Variants in HDHD5 observed in about 807,000 individuals in gnomAD.
HDHD5 encodes haloacid dehalogenase-like hydrolase domain-containing 5.
Under a neutral mutation model 35.5 loss-of-function variants are expected in HDHD5, and 34 were observed. The ratio of observed to expected loss-of-function variants is 0.96; its 90% CI spans 0.73 to 1.28. HDHD5 has a LOEUF of 1.28. HDHD5 is among the 50% of genes most tolerant of loss of function. The pLI is 0.00. For missense variants in HDHD5, 589 were observed against 560.2 expected (o/e 1.05, Z -0.52); for synonymous variants, 248 against 240.6 (o/e 1.03, Z -0.29).
At position 17,138,307 on chromosome 22, in the gene HDHD5, A is replaced by G; in HGVS notation, c.986T>C (p.Leu329Pro). The change falls in exon 8 of 8, where the codon CTG (leucine) becomes CCG (proline). Residue 329 changes from leucine to proline, a missense_variant. Transcript: ENST00000336737. ...CGCCCCATCATGCGTTGCCTTCTGC[A>G]GGTACTGGTGGAACAGGTTGGCGCC... ...VYGANLFHQYLQKATHDGAPE... is the reference protein window; with the variant it reads ...VYGANLFHQYPQKATHDGAPE... The G allele has an allele frequency of 6.2e-7, 1 of 1,614,136 alleles. No homozygotes were observed. The highest frequency in any genetic ancestry group is 8.5e-7 in the Non-Finnish European group (1 of 1,180,036).
intron 1 of HDHD5, among the ~76,000 whole-genome samples, chr22:17,156,825 A>C (rs2061798080): frequency 1.3e-5 from 2 of 151,248 alleles, no homozygotes; most frequent in African/African-American, 4.9e-5. Context: ...CATGCTTCTA[A>C]TCCCAATACT....
upstream of HDHD5, among the ~76,000 whole-genome samples, chr22:17,161,735 G>C (rs937744540): frequency 2.0e-5 from 3 of 151,830 alleles, no homozygotes; most frequent in African/African-American, 7.3e-5. Flanking sequence ...AAATTAGCCA[G>C]GCATAGTGAC....
At chr22:17,164,987 G>A (rs2061883088) in intron 1 of HDHD5, among the ~76,000 whole-genome samples, 1 of 152,140 alleles carries the variant, frequency 6.6e-6, no homozygotes, top group Admixed American at 6.5e-5. Context: ...AGGGCTTGCA[G>A]GAGGGTTTAC....
chr22:17,161,258 A>G (rs993701090), upstream of HDHD5, among the ~76,000 whole-genome samples: 18 of 149,804 alleles, frequency 1.2e-4, no homozygotes, highest in Non-Finnish European at 1.6e-4. Flanking sequence ...AAAAAAAAAA[A>G]AAAGAAAGAA....
At chr22:17,158,626 C>T (rs563987195) in intron 1 of HDHD5, 2 of 152,554 alleles carry the variant, frequency 1.3e-5, no homozygotes, top group Non-Finnish European at 2.9e-5. Flanking sequence ...GGCTCCAGCC[C>T]TCCTGCTCCC....
chr22:17,164,954 G>T (rs2061882881), intron 1 of HDHD5, among the ~76,000 whole-genome samples: 1 of 152,198 alleles, frequency 6.6e-6, no homozygotes, highest in Non-Finnish European at 1.5e-5. Context: ...GAGATGGGCA[G>T]GTCCCCCTGG....
intron 1 of HDHD5, among the ~76,000 whole-genome samples, chr22:17,153,578 G>T (rs757723991): frequency 1.3e-5 from 2 of 152,166 alleles, no homozygotes; most frequent in African/African-American, 2.4e-5. Context: ...ATAGATTTCA[G>T]GATGGCCATA....
At chr22:17,149,459 A>C in intron 2 of HDHD5, 83 bp downstream of exon 2, 1 of 1,338,176 alleles carries the variant, frequency 7.5e-7, no homozygotes, top group Non-Finnish European at 1.0e-6. Context: ...ATCCCAACCC[A>C]GGGGAAAGGG....
upstream of HDHD5, among the ~76,000 whole-genome samples, chr22:17,163,085 T>A (rs1046546097): frequency 6.6e-6 from 1 of 152,242 alleles, no homozygotes; most frequent in Admixed American, 6.5e-5. Flanking sequence ...TATGAGCACG[T>A]CTTCTGAGTT....
upstream of HDHD5, among the ~76,000 whole-genome samples, chr22:17,161,204 C>G (rs34730566): frequency 0.043 from 6,201 of 145,888 alleles, 242 homozygotes; most frequent in South Asian, 0.19. Context: ...TGAGAGCGTG[C>G]CACTGTACTC....
chr22:17,160,059 A>G (rs2061852193), upstream of HDHD5, among the ~76,000 whole-genome samples: 1 of 152,224 alleles, frequency 6.6e-6, no homozygotes, highest in African/African-American at 2.4e-5. Context: ...ATTCTGCTGG[A>G]GGAAAGAGGT....
chr22:17,163,006 C>T (rs1451764259), upstream of HDHD5, among the ~76,000 whole-genome samples: 1 of 152,204 alleles, frequency 6.6e-6, no homozygotes, highest in Non-Finnish European at 1.5e-5. Flanking sequence ...TTAAGATGTT[C>T]TTTCGTATTC....
intron 1 of HDHD5, among the ~76,000 whole-genome samples, chr22:17,158,011 C>T (rs1250318584): frequency 1.3e-5 from 2 of 152,180 alleles, no homozygotes; most frequent in Non-Finnish European, 2.9e-5. Context: ...AAAGTAAGCA[C>T]TATGTGTTTT....
intron 4 of HDHD5, 48 bp from the exon 5 acceptor site, chr22:17,143,179 C>T (rs766648486): frequency 6.3e-7 from 1 of 1,590,534 alleles, no homozygotes; most frequent in Admixed American, 1.8e-5. Flanking sequence ...GCCTTCCACT[C>T]CAGGAGAACC....
intron 6 of HDHD5, among the ~76,000 whole-genome samples, chr22:17,140,744 A>G (rs2061590349): frequency 6.6e-6 from 1 of 152,226 alleles, no homozygotes; most frequent in Non-Finnish European, 1.5e-5. Flanking sequence ...CGGTACAAAA[A>G]GTGCCCACGG....
chr22:17,156,767 G>A (rs1210985804), intron 1 of HDHD5, among the ~76,000 whole-genome samples: 2 of 141,758 alleles, frequency 1.4e-5, no homozygotes, highest in Non-Finnish European at 3.1e-5. Context: ...CAGAGCGAGC[G>A]AGACTCCGTC....
upstream of HDHD5, chr22:17,159,531 G>A (rs1241535668): frequency 1.7e-5 from 8 of 457,952 alleles, 1 homozygote; most frequent in Non-Finnish European, 3.4e-5. Flanking sequence ...CCGTACTATC[G>A]CCCTGTGCCT....
At chr22:17,159,976 G>T (rs2061851311), upstream of HDHD5, 2 of 159,906 alleles carry the variant, frequency 1.3e-5, no homozygotes, top group Non-Finnish European at 2.8e-5. Context: ...ACTGAAAGTG[G>T]AGAGGTAGCC....
At position 17,159,275 on chromosome 22, in the gene HDHD5, C is replaced by T. The variant is rs1429182238; in HGVS notation, c.-24G>A. The T allele has an allele frequency of 8.1e-6, 10 of 1,238,044 alleles. No individual in the cohort carries two copies. The highest frequency in any genetic ancestry group is 1.8e-5 in the African/African-American group (1 of 56,828). The allele number at this position is 1,238,044 out of a possible 1,614,324, so 76.7% of individuals were successfully genotyped here. ...ATCCGGCCGTCGCCGTGCGCACGTG[C>T]ACGGCGTGCGGCCCCCCCCCCCCGC... On this transcript the variant is annotated 5_prime_UTR_variant, in exon 1 of 8. Transcript: ENST00000336737.
Sources: gnomAD v4.1 joint callset for allele counts (sites outside exome capture counted in the v4.1 genomes callset) on GRCh38, gnomAD v4.1.1 for gene constraint, MANE v1.5 for transcripts, NCBI Gene and HGNC (gene_info 2026-07-23, HGNC 2026-07-21) for gene names.